Variants in FGGY observed in about 807,000 individuals in gnomAD.
FGGY encodes FGGY carbohydrate kinase domain containing.
A neutral mutation model predicts 71.3 loss-of-function variants in FGGY; 72 were observed. The observed-to-expected ratio is 1.01, with a 90% CI of 0.84 to 1.23. FGGY has a LOEUF of 1.23. Among genes scored for constraint, FGGY ranks in the 50% most tolerant of loss-of-function variants. The probability of loss-of-function intolerance (pLI) is 0.00; values close to 1 mark genes in which losing one functional copy is unlikely to be tolerated. For missense variants in FGGY, 668 were observed against 682.3 expected (o/e 0.98, Z 0.23); for synonymous variants, 251 against 250.3 (o/e 1.00, Z -0.02).
chr1:59,590,708 TG>T (rs2096415052), intron 8 of FGGY, among the ~76,000 whole-genome samples: 1 of 152,200 alleles, frequency 6.6e-6, no homozygotes, highest in South Asian at 2.1e-4. Context: ...TCTCAATAGA[TG>T]CAGAAAAGGC....
At chr1:59,541,184 A>G (rs2095434833) in intron 7 of FGGY, among the ~76,000 whole-genome samples, 1 of 152,208 alleles carries the variant, frequency 6.6e-6, no homozygotes, top group African/African-American at 2.4e-5. Flanking sequence ...GAATGTTAAT[A>G]CATTGAGTTT....
intron 14 of FGGY, among the ~76,000 whole-genome samples, chr1:59,696,867 C>G (rs2097664274): frequency 6.6e-6 from 1 of 152,120 alleles, no homozygotes; most frequent in African/African-American, 2.4e-5. Context: ...CACAAACCCT[C>G]TTTTTACAGA....
At chr1:59,403,921 G>A (rs2062353758) in intron 5 of FGGY, among the ~76,000 whole-genome samples, 1 of 152,196 alleles carries the variant, frequency 6.6e-6, no homozygotes, top group African/African-American at 2.4e-5. Context: ...TCACAGGGTG[G>A]TTGTGAGAAC....
intron 1 of FGGY, among the ~76,000 whole-genome samples, chr1:59,302,626 G>T (rs1476332377): frequency 4.6e-5 from 7 of 151,878 alleles, no homozygotes; most frequent in Non-Finnish European, 8.8e-5. Flanking sequence ...GAGAACAAAT[G>T]GACACAAAGA....
intron 4 of FGGY, among the ~76,000 whole-genome samples, chr1:59,369,370 G>C (rs183785568): frequency 3.3e-5 from 5 of 152,206 alleles, no homozygotes; most frequent in Non-Finnish European, 5.9e-5. Context: ...AGGAGCGCCC[G>C]CCATTGCCCA....
chr1:59,426,099 A>G (rs980472120), intron 5 of FGGY, among the ~76,000 whole-genome samples: 1 of 152,274 alleles, frequency 6.6e-6, no homozygotes, highest in South Asian at 2.1e-4. Flanking sequence ...TGTCTCCTGC[A>G]TGGAGGAGGG....
chr1:59,637,398 C>A (rs1572439928), intron 10 of FGGY, among the ~76,000 whole-genome samples: 1 of 152,164 alleles, frequency 6.6e-6, no homozygotes, highest in Admixed American at 6.5e-5. Flanking sequence ...TTTGGGAGGC[C>A]GAGATGTGTG....
At chr1:59,491,443 T>C (rs1342676999) in intron 6 of FGGY, among the ~76,000 whole-genome samples, 2 of 151,976 alleles carry the variant, frequency 1.3e-5, no homozygotes, top group Non-Finnish European at 2.9e-5. Context: ...TTGGTTACAT[T>C]ATTGTATTTA....
At chr1:59,504,999 T>C (rs976210590) in intron 6 of FGGY, among the ~76,000 whole-genome samples, 1 of 152,206 alleles carries the variant, frequency 6.6e-6, no homozygotes, top group African/African-American at 2.4e-5. Context: ...ATTCTCTGTC[T>C]AGTGGGAAAG....
At chr1:59,662,262 G>A (rs1454863575) in intron 12 of FGGY, among the ~76,000 whole-genome samples, 1 of 150,186 alleles carries the variant, frequency 6.7e-6, no homozygotes, top group Non-Finnish European at 1.5e-5. Flanking sequence ...GGAGCTTGCA[G>A]TGAACTGAGA....
chr1:59,324,128 T>C (rs2153138830), intron 2 of FGGY, among the ~76,000 whole-genome samples: 1 of 152,306 alleles, frequency 6.6e-6, no homozygotes, highest in East Asian at 1.9e-4. Flanking sequence ...ATGACTTTCC[T>C]CTTAGTTAAA....
intron 14 of FGGY, among the ~76,000 whole-genome samples, chr1:59,754,506 C>T (rs1235917775): frequency 2.0e-5 from 3 of 152,174 alleles, no homozygotes; most frequent in Non-Finnish European, 2.9e-5. Context: ...TCACTGCAAC[C>T]TCTGCCTCCC....
intron 4 of FGGY, among the ~76,000 whole-genome samples, chr1:59,373,820 T>C (rs1050172959): frequency 6.6e-6 from 1 of 152,202 alleles, no homozygotes; most frequent in African/African-American, 2.4e-5. Context: ...GATTCCCTAT[T>C]TAATAAATGG....
chr1:59,756,147 A>G (rs750137222), intron 14 of FGGY: 1 of 152,204 alleles, frequency 6.6e-6, no homozygotes, highest in Non-Finnish European at 1.5e-5. Context: ...GCCCTCCACA[A>G]AATGACTCCA....
chr1:59,725,892 G>A (rs1573728926), intron 14 of FGGY, among the ~76,000 whole-genome samples: 1 of 151,280 alleles, frequency 6.6e-6, no homozygotes, highest in South Asian at 2.1e-4. Flanking sequence ...TTTCTTTCCA[G>A]TATGTATGCC....
chr1:59,395,698 A>G (rs909469289), intron 5 of FGGY, among the ~76,000 whole-genome samples: 1 of 152,164 alleles, frequency 6.6e-6, no homozygotes, highest in African/African-American at 2.4e-5. Flanking sequence ...CAGTCCTCCC[A>G]ATATTCTTAT....
intron 6 of FGGY, among the ~76,000 whole-genome samples, chr1:59,464,320 G>A (rs2092462745): frequency 6.6e-6 from 1 of 152,124 alleles, no homozygotes; most frequent in Non-Finnish European, 1.5e-5. Context: ...AAACCAATGA[G>A]AACAAAGACA....
chr1:59,707,240 C>A (rs142732853), intron 14 of FGGY, among the ~76,000 whole-genome samples: 1 of 152,142 alleles, frequency 6.6e-6, no homozygotes, highest in Non-Finnish European at 1.5e-5. Flanking sequence ...AGCGAAACTG[C>A]GAGCTGGAGA....
intron 1 of FGGY, among the ~76,000 whole-genome samples, chr1:59,314,117 C>T (rs574874882): frequency 6.6e-5 from 10 of 152,226 alleles, no homozygotes; most frequent in Admixed American, 1.3e-4. Context: ...CGGTGCCTGC[C>T]ACCACACTCG....
Sources: gnomAD v4.1 joint callset for allele counts (sites outside exome capture counted in the v4.1 genomes callset) on GRCh38, gnomAD v4.1.1 for gene constraint, MANE v1.5 for transcripts, NCBI Gene and HGNC (gene_info 2026-07-23, HGNC 2026-07-21) for gene names.